CERT1: variants seen among roughly 807,000 people sequenced by gnomAD.
CERT1 encodes the protein ceramide transporter 1, also known as ceramide transfer protein.
In CERT1, 31 loss-of-function variants were observed where a neutral mutation model predicts 87.9. The ratio of observed to expected loss-of-function variants is 0.35; its 90% CI spans 0.27 to 0.48. CERT1 has a LOEUF of 0.48. Ranked by LOEUF, CERT1 falls within the 20% of genes least tolerant of loss-of-function variation. The pLI is 0.99. For missense variants in CERT1, 487 were observed against 758.0 expected (o/e 0.64, Z 4.20); for synonymous variants, 289 against 250.9 (o/e 1.15, Z -1.44).
rs919581953 is a variant in CERT1 at position 75,478,324 on chromosome 5, A to T, written c.232-19143T>A. ...GCAAGACTCTGCCTCTAAAAAAAAAATAAAAAAAAGAAAAGAAAAGAGGAA... is the reference window on the plus strand; with the variant it reads ...GCAAGACTCTGCCTCTAAAAAAAAATTAAAAAAAAGAAAAGAAAAGAGGAA... On this transcript the variant is annotated intron_variant, in intron 2 of 16. Transcript: ENST00000643780. 5.9e-5 allele frequency among the ~76,000 whole-genome samples: 9 copies of T among 152,188 alleles called. No homozygotes were observed. In the East Asian group the frequency reaches 9.7e-4, roughly 16 times the overall value.
At chr5:75,452,774 A>T (rs1306572896) in intron 3 of CERT1, among the ~76,000 whole-genome samples, 1 of 152,156 alleles carries the variant, frequency 6.6e-6, no homozygotes, top group Non-Finnish European at 1.5e-5. Flanking sequence ...GAACTTTTAC[A>T]AACACTATCT....
At chr5:75,369,438 T>A (rs747199592) in intron 17 of CERT1, 1 of 152,150 alleles carries the variant, frequency 6.6e-6, no homozygotes, top group Non-Finnish European at 1.5e-5. Context: ...TCTTCAAGCA[T>A]GTTAGCTCTT....
intron 2 of CERT1, among the ~76,000 whole-genome samples, chr5:75,473,829 T>C (rs1765826559): frequency 6.6e-6 from 1 of 152,184 alleles, no homozygotes; most frequent in Non-Finnish European, 1.5e-5. Context: ...GCATGTTGTG[T>C]ACAATAAATA....
chr5:75,406,916 A>G (rs965523083), intron 8 of CERT1, among the ~76,000 whole-genome samples: 1 of 152,168 alleles, frequency 6.6e-6, no homozygotes. Context: ...AGTCAGAAAC[A>G]CTTAGAACTT....
At chr5:75,389,461 G>A (rs2112031770) in intron 12 of CERT1, 131 bp downstream of exon 12, 1 of 691,810 alleles carries the variant, frequency 1.4e-6, no homozygotes, top group Non-Finnish European at 2.5e-6. Flanking sequence ...ATATGGTACT[G>A]CTTTGATCAC....
intron 2 of CERT1, among the ~76,000 whole-genome samples, chr5:75,503,862 A>C: frequency 2.1e-5 from 1 of 47,038 alleles, no homozygotes; most frequent in Non-Finnish European, 4.7e-5. Flanking sequence ...TAAATTAAAC[A>C]TTTAAATTTT....
At chr5:75,429,909 G>C (rs1014318680) in intron 3 of CERT1, among the ~76,000 whole-genome samples, 1 of 150,226 alleles carries the variant, frequency 6.7e-6, no homozygotes, top group African/African-American at 2.4e-5. Context: ...ACAATGGCAA[G>C]GAACAGCAAC....
intron 17 of CERT1, chr5:75,371,579 G>A (rs1761086479): frequency 6.6e-6 from 1 of 152,112 alleles, no homozygotes; most frequent in Non-Finnish European, 1.5e-5. Context: ...CTACCCCTGT[G>A]GCAATTCCAA....
intron 8 of CERT1, among the ~76,000 whole-genome samples, chr5:75,406,542 CTTTT>C (rs869232885): frequency 1.4e-5 from 2 of 139,404 alleles, no homozygotes. Flanking sequence ...TATGGTAAGT[CTTTT>C]TTTTTTTTTT....
Position 75,396,725 on chromosome 5 carries a change from G to A in CERT1, c.1188+2585C>T, listed in dbSNP as rs1214572356. ...GCCTGGGCAACAAAAGCGAAACTCC[G>A]TCTCAAAAAAAAAAAAAAAACAAAA... On this transcript the variant is annotated intron_variant, in intron 11 of 16. Coordinates refer to ENST00000643780, the MANE Select transcript of CERT1 (RefSeq NM_001379029.1). Among the ~76,000 whole-genome samples the A allele has an allele frequency of 1.6e-4, 18 of 115,090 alleles. No homozygotes were observed. In the East Asian group the frequency reaches 4.1e-3, roughly 26 times the overall value. The allele number at this position is 115,090 out of a possible 152,430, so 75.5% of individuals were successfully genotyped here. A position where few individuals can be genotyped will look rare whatever the true frequency, so the allele number is the denominator to read the frequency against.
chr5:75,428,772 A>G (rs1209225332), intron 3 of CERT1, among the ~76,000 whole-genome samples: 2 of 151,752 alleles, frequency 1.3e-5, no homozygotes, highest in African/African-American at 2.4e-5. Flanking sequence ...TTTTAAAACC[A>G]AACTGTTAAT....
intron 8 of CERT1, among the ~76,000 whole-genome samples, chr5:75,403,783 C>A (rs1200728540): frequency 6.6e-6 from 1 of 152,228 alleles, no homozygotes; most frequent in Non-Finnish European, 1.5e-5. Context: ...AATTCCCAGG[C>A]CTCCATGGCC....
chr5:75,373,632 A>G (rs1761162726), downstream of CERT1: 1 of 152,954 alleles, frequency 6.5e-6, no homozygotes, highest in Non-Finnish European at 1.5e-5. Flanking sequence ...GACAACATGA[A>G]TCATTATAGA....
At chr5:75,424,443 G>A (rs1187800037) in intron 5 of CERT1, among the ~76,000 whole-genome samples, 2 of 151,996 alleles carry the variant, frequency 1.3e-5, no homozygotes, top group African/African-American at 2.4e-5. Flanking sequence ...ATGGTGGCAC[G>A]TGCCTGTAAT....
At chr5:75,402,016 T>C (rs1762516019) in intron 9 of CERT1, 1 of 152,214 alleles carries the variant, frequency 6.6e-6, no homozygotes, top group Non-Finnish European at 1.5e-5. Context: ...CATCTAGTTG[T>C]AACGTATGGT....
intron 2 of CERT1, among the ~76,000 whole-genome samples, chr5:75,471,045 T>G (rs1041919591): frequency 2.6e-5 from 4 of 151,866 alleles, no homozygotes; most frequent in African/African-American, 9.7e-5. Context: ...AAGTGAAAGA[T>G]CTCTACACTG....
chr5:75,389,198 T>C (rs1476860363), intron 12 of CERT1, among the ~76,000 whole-genome samples: 1 of 151,998 alleles, frequency 6.6e-6, no homozygotes, highest in Non-Finnish European at 1.5e-5. Flanking sequence ...AAGGAGGGTA[T>C]AGACCAAAAA....
intron 11 of CERT1, among the ~76,000 whole-genome samples, chr5:75,390,812 C>T (rs1469761804): frequency 6.6e-6 from 1 of 152,060 alleles, no homozygotes; most frequent in Non-Finnish European, 1.5e-5. Context: ...TCAACTTCCC[C>T]CCTACCCGCC....
chr5:75,495,193 A>G (rs1451093786), intron 2 of CERT1, among the ~76,000 whole-genome samples: 1 of 152,198 alleles, frequency 6.6e-6, no homozygotes, highest in Non-Finnish European at 1.5e-5. Flanking sequence ...TTGTTGGATA[A>G]TATATATTCT....
Sources: gnomAD v4.1 joint callset for allele counts (sites outside exome capture counted in the v4.1 genomes callset) on GRCh38, gnomAD v4.1.1 for gene constraint, MANE v1.5 for transcripts, NCBI Gene and HGNC (gene_info 2026-07-23, HGNC 2026-07-21) for gene names.